The following IMPG2 variants were observed in gnomAD, a reference collection of about 807,000 sequenced individuals.
The protein encoded by IMPG2 is IPM 200.
Under a neutral mutation model 129.2 loss-of-function variants are expected in IMPG2, and 91 were observed. The ratio of observed to expected loss-of-function variants is 0.70; its 90% CI spans 0.59 to 0.84. IMPG2 has a LOEUF of 0.84. IMPG2 is among the 40% of genes least tolerant of loss of function. The pLI is 0.00. For synonymous variants in IMPG2, 510 were observed against 517.7 expected (o/e 0.99, Z 0.20); for missense variants, 1,430 against 1,461.7 (o/e 0.98, Z 0.35).
At chr3:101,300,565 TC>T (rs1707129568) in intron 3 of IMPG2, among the ~76,000 whole-genome samples, 1 of 152,228 alleles carries the variant, frequency 6.6e-6, no homozygotes, top group South Asian at 2.1e-4. Context: ...GTTGCACAGT[TC>T]CGTGGAAAAA....
In IMPG2 at chr3:101,258,855, T is replaced by A. The variant is rs189381289; in HGVS notation, c.909-1082A>T. On this transcript the variant is annotated intron_variant, in intron 9 of 18. Transcript: ENST00000193391. Reference sequence around the variant, plus strand: ...AGACTCCAACTCAGATTCCTCTAACTAAAAGCTAACAGTTTGTAAGTGCTG... The same window carrying A: ...AGACTCCAACTCAGATTCCTCTAACAAAAAGCTAACAGTTTGTAAGTGCTG... Among the ~76,000 whole-genome samples, 79 of 152,302 alleles carry A rather than the reference T, an allele frequency of 5.2e-4. No individual in the cohort carries two copies. In the East Asian group the frequency reaches 0.015, roughly 29 times the overall value.
In IMPG2 at chr3:101,319,654, TC is replaced by T. The variant is rs2107148743; in HGVS notation, c.263del (p.Gly88GlufsTer2). 6.2e-7 allele frequency: 1 copy of T among 1,613,746 alleles called. No individual in the cohort carries two copies. The highest frequency in any genetic ancestry group is 2.2e-5 in the East Asian group (1 of 44,868). On this transcript the variant is annotated frameshift_variant, in exon 2 of 19. Transcript: ENST00000193391. LOFTEE classifies it high-confidence loss of function. ...CACTTTCATCTGGGCAGATTTTCAC[TC>T]CATTAGGAAACAGAATAGATCTCCG... ...RRRRSILFPNGVKICPDESVA... is the reference protein window; with the variant it reads ...RRRRSILFPNXVKICPDESVA...
chr3:101,257,985 A>C (rs1476145456), intron 9 of IMPG2, among the ~76,000 whole-genome samples: 1 of 152,058 alleles, frequency 6.6e-6, no homozygotes, highest in Non-Finnish European at 1.5e-5. Context: ...TAGGGAAAAG[A>C]ATTCTAAGGA....
At chr3:101,236,656 GTGCATTCAGCCCAGATATT>G (rs1706349096) in intron 14 of IMPG2, among the ~76,000 whole-genome samples, 1 of 152,174 alleles carries the variant, frequency 6.6e-6, no homozygotes, top group African/African-American at 2.4e-5. Context: ...ATGAGGAACA[GTGCATTCAGCCCAGATATT>G]ATGCTTTTCC....
rs1706217415 is a variant in IMPG2, at chr3:101,225,981, A to C, written c.*988T>G. ...GGTATTACACAAAGGAGAAGCAATG[A>C]AAATGAGCTCATCTATATTATGTGA... On this transcript the variant is annotated 3_prime_UTR_variant, in exon 19 of 19. Coordinates refer to ENST00000193391, the MANE Select transcript of IMPG2 (RefSeq NM_016247.4). 1 of 154,616 alleles carries C rather than the reference A, an allele frequency of 6.5e-6. No individual in the cohort carries two copies. The highest frequency in any genetic ancestry group is 2.0e-4 in the South Asian group (1 of 4,912). The allele number at this position is 154,616 out of a possible 1,614,324, so 9.6% of individuals were successfully genotyped here. A position where few individuals can be genotyped will look rare whatever the true frequency, so the allele number is the denominator to read the frequency against.
intron 14 of IMPG2, among the ~76,000 whole-genome samples, chr3:101,237,612 C>T (rs560044093): frequency 6.6e-6 from 1 of 152,240 alleles, no homozygotes; most frequent in South Asian, 2.1e-4. Flanking sequence ...TCCAGCAGAC[C>T]TGCAGCAGAG....
In IMPG2 at chr3:101,243,875, G is replaced by A. The variant is rs1706438954; in HGVS notation, c.2456C>T (p.Pro819Leu). 2.5e-6 allele frequency: 4 copies of A among 1,614,176 alleles called. No homozygotes were observed. The highest frequency in any genetic ancestry group is 4.5e-5 in the East Asian group (2 of 44,882). Residue 819 changes from proline to leucine, a missense_variant, in exon 13 of 19, where the codon CCT (proline) becomes CTT (leucine). Pro to Leu is a moderately conservative substitution (Grantham distance 98, BLOSUM62 -3). Transcript: ENST00000193391. Reference sequence around the variant, plus strand: ...TAGCAGGGTGGAGATTGTGGTTGGAGGCAATTTGGTAGACTGTGTCACAGA... The same window carrying A: ...TAGCAGGGTGGAGATTGTGGTTGGAAGCAATTTGGTAGACTGTGTCACAGA... ...WLSVTQSTKL[P>L]PTTISTLLED...
At chr3:101,317,426 GAAA>G (rs2058791410) in intron 2 of IMPG2, among the ~76,000 whole-genome samples, 1 of 151,996 alleles carries the variant, frequency 6.6e-6, no homozygotes, top group South Asian at 2.1e-4. Flanking sequence ...CTCTATGAAG[GAAA>G]AATTGAGCAA....
intron 3 of IMPG2, among the ~76,000 whole-genome samples, chr3:101,300,673 G>A (rs533972535): frequency 7.2e-5 from 11 of 152,350 alleles, no homozygotes; most frequent in South Asian, 2.1e-4. Context: ...CGTGGGTCAC[G>A]CCAGTTGCCT....
At chr3:101,267,217 A>G (rs1706729579) in intron 9 of IMPG2, among the ~76,000 whole-genome samples, 1 of 152,258 alleles carries the variant, frequency 6.6e-6, no homozygotes, top group Non-Finnish European at 1.5e-5. Context: ...TTCAATGTCC[A>G]TAAAGTGAAA....
At chr3:101,290,175 A>G (rs1285188533) in intron 4 of IMPG2, among the ~76,000 whole-genome samples, 4 of 152,018 alleles carry the variant, frequency 2.6e-5, no homozygotes, top group African/African-American at 9.7e-5. Context: ...TGGCAATCAC[A>G]AGGAATCTCT....
chr3:101,291,408 G>T, intron 4 of IMPG2, 71 bp downstream of exon 4: 1 of 1,247,640 alleles, frequency 8.0e-7, no homozygotes, highest in Non-Finnish European at 1.2e-6. Context: ...TTAAATTTGG[G>T]GTGAGTCTTG....
intron 14 of IMPG2, among the ~76,000 whole-genome samples, chr3:101,235,253 C>T (rs1174881154): frequency 6.6e-6 from 1 of 152,114 alleles, no homozygotes; most frequent in African/African-American, 2.4e-5. Flanking sequence ...TCCCCTGGGC[C>T]CTCTGAATAA....
intron 7 of IMPG2, among the ~76,000 whole-genome samples, chr3:101,270,884 C>T (rs1048232792): frequency 3.0e-4 from 46 of 152,284 alleles, no homozygotes; most frequent in African/African-American, 1.1e-3. Context: ...GTGACAGCCT[C>T]ACCAGATGGG....
intron 8 of IMPG2, among the ~76,000 whole-genome samples, chr3:101,268,576 T>C (rs1350791319): frequency 6.6e-6 from 1 of 151,956 alleles, no homozygotes; most frequent in Non-Finnish European, 1.5e-5. Context: ...AGTAACTATC[T>C]CATAGCATTG....
At position 101,223,842 on chromosome 3, in the gene IMPG2, A is replaced by G. The variant is rs1706190577; in HGVS notation, c.*3127T>C. On this transcript the variant is annotated 3_prime_UTR_variant, in exon 19 of 19. Transcript: ENST00000193391. ...AGGTAAAGCCTGCACTTGTTTTATT[A>G]TATAAATTAAATGGGGCCAGGTGCG... 6.6e-6 allele frequency: 1 copy of G among 152,256 alleles called. No homozygotes were observed. The highest frequency in any genetic ancestry group is 2.1e-4 in the South Asian group (1 of 4,830). The allele number at this position is 152,256 out of a possible 1,614,324, so 9.4% of individuals were successfully genotyped here. A position where few individuals can be genotyped will look rare whatever the true frequency, so the allele number is the denominator to read the frequency against.
intron 10 of IMPG2, among the ~76,000 whole-genome samples, chr3:101,254,769 G>A (rs1706580745): frequency 6.6e-6 from 1 of 152,070 alleles, no homozygotes; most frequent in Non-Finnish European, 1.5e-5. Context: ...ATCTCATGTT[G>A]AATTGCGATC....
rs754599795 is a variant in IMPG2 at position 101,243,948 on chromosome 3, T to G, written c.2383A>C (p.Arg795=). ...TRTSSLEKLS[R]DILASTPQSA... is the part of the protein sequence containing the mutation. ...TGTGGTGTACTTGCCAATATGTCTC[T>G]GGACAATTTCTCTAGGGAAGAAGTT... Residue 795 remains arginine, a synonymous_variant, in exon 13 of 19, where the codon AGA becomes CGA. Coordinates refer to ENST00000193391, the MANE Select transcript of IMPG2 (RefSeq NM_016247.4). 3 of 1,614,192 alleles carry G rather than the reference T, an allele frequency of 1.9e-6. No individual in the cohort carries two copies. The highest frequency in any genetic ancestry group is 2.5e-6 in the Non-Finnish European group (3 of 1,180,012).
In IMPG2 at chr3:101,238,811, C is replaced by T. The variant is rs1361407505; in HGVS notation, c.3022+3877G>A. On this transcript the variant is annotated intron_variant, in intron 14 of 18. Coordinates refer to ENST00000193391, the MANE Select transcript of IMPG2 (RefSeq NM_016247.4). The stretch of plus-strand genomic sequence containing the variant: ...TGACACTATAAAGAAACTGCATCTA[C>T]TAACGGGCAAAATAACCAGCTAGCA... Among the ~76,000 whole-genome samples the T allele has an allele frequency of 2.6e-5, 4 of 152,196 alleles. No individual in the cohort carries two copies. The South Asian group carries it at 6.2e-4, about 24-fold the overall frequency.
Sources: gnomAD v4.1 joint callset for allele counts (sites outside exome capture counted in the v4.1 genomes callset) on GRCh38, gnomAD v4.1.1 for gene constraint, MANE v1.5 for transcripts, NCBI Gene and HGNC (gene_info 2026-07-23, HGNC 2026-07-21) for gene names.